RAPGEF4: variants seen among roughly 807,000 people sequenced by gnomAD.
RAPGEF4 encodes Rap guanine nucleotide exchange factor 4.
In RAPGEF4, 66 loss-of-function variants were observed where a neutral mutation model predicts 147.9. The ratio of observed to expected loss-of-function variants is 0.45; its 90% CI spans 0.37 to 0.55. The LOEUF (loss-of-function observed/expected upper bound fraction) is 0.55, where lower values mean the gene tolerates loss of function less well. Ranked by LOEUF, RAPGEF4 falls within the 20% of genes least tolerant of loss-of-function variation. The pLI is 0.00. For synonymous variants in RAPGEF4, 419 were observed against 442.7 expected (o/e 0.95, Z 0.67); for missense variants, 1,071 against 1,257.3 (o/e 0.85, Z 2.24).
At chr2:172,917,745 A>G (rs1684227480) in intron 4 of RAPGEF4, 57 bp from the exon 5 acceptor site, 1 of 1,452,100 alleles carries the variant, frequency 6.9e-7, no homozygotes, top group Non-Finnish European at 9.7e-7. Flanking sequence ...ATGTAAATAA[A>G]TGAATGCTCA....
chr2:172,901,297 T>A (rs1378165057), intron 4 of RAPGEF4, among the ~76,000 whole-genome samples: 3 of 152,236 alleles, frequency 2.0e-5, no homozygotes, highest in Non-Finnish European at 2.9e-5. Flanking sequence ...TTGATTAGTA[T>A]CCCTAGATTT....
intron 4 of RAPGEF4, among the ~76,000 whole-genome samples, chr2:172,859,222 G>A (rs998517038): frequency 3.3e-5 from 5 of 152,188 alleles, no homozygotes; most frequent in African/African-American, 1.2e-4. Flanking sequence ...TTGCTTAACA[G>A]TGGTTTAAGT....
intron 6 of RAPGEF4, among the ~76,000 whole-genome samples, chr2:172,942,900 T>C (rs996218716): frequency 1.2e-4 from 18 of 152,188 alleles, no homozygotes; most frequent in Non-Finnish European, 2.4e-4. Flanking sequence ...GTTTGCATGC[T>C]TACATCTCAC....
At chr2:172,895,164 A>G (rs1033758397) in intron 4 of RAPGEF4, among the ~76,000 whole-genome samples, 5 of 152,066 alleles carry the variant, frequency 3.3e-5, no homozygotes, top group African/African-American at 1.2e-4. Context: ...TTTGTTTTTA[A>G]TCTTTTAGAG....
chr2:172,910,128 G>C (rs1180956266), intron 4 of RAPGEF4, among the ~76,000 whole-genome samples: 6 of 152,226 alleles, frequency 3.9e-5, no homozygotes, highest in African/African-American at 1.4e-4. Context: ...GCTCAGCAAA[G>C]AGCGCTTCAG....
At chr2:172,766,366 A>G (rs1234707130) in intron 1 of RAPGEF4, among the ~76,000 whole-genome samples, 3 of 152,094 alleles carry the variant, frequency 2.0e-5, no homozygotes, top group African/African-American at 4.8e-5. Flanking sequence ...AGCCTAGCCA[A>G]TACAGCGAAA....
chr2:172,996,108 C>T (rs1280935863), intron 15 of RAPGEF4, among the ~76,000 whole-genome samples: 1 of 152,158 alleles, frequency 6.6e-6, no homozygotes, highest in African/African-American at 2.4e-5. Flanking sequence ...TCACCAGCTC[C>T]CCCTGCCTGA....
intron 1 of RAPGEF4, among the ~76,000 whole-genome samples, chr2:172,750,317 G>T (rs185898121): frequency 8.5e-5 from 13 of 152,136 alleles, no homozygotes; most frequent in African/African-American, 2.7e-4. Flanking sequence ...AATTCCACGT[G>T]GCTGGGGAGG....
chr2:172,842,554 A>T (rs567335505), intron 4 of RAPGEF4, among the ~76,000 whole-genome samples: 32 of 152,330 alleles, frequency 2.1e-4, no homozygotes, highest in African/African-American at 7.5e-4. Flanking sequence ...CATCACCCAA[A>T]GGATCGCTCC....
intron 5 of RAPGEF4, among the ~76,000 whole-genome samples, chr2:172,918,297 G>A (rs1413407572): frequency 7.2e-6 from 1 of 138,742 alleles, no homozygotes; most frequent in East Asian, 2.2e-4. Flanking sequence ...GAGAAGTGGG[G>A]TGAGTCATTT....
intron 4 of RAPGEF4, among the ~76,000 whole-genome samples, chr2:172,876,661 T>C (rs371765532): frequency 7.9e-5 from 12 of 152,338 alleles, no homozygotes; most frequent in East Asian, 5.8e-4. Flanking sequence ...CAGTATTTTA[T>C]TGAGGATTTT....
chr2:172,821,834 G>T, intron 4 of RAPGEF4: 1 of 1,443,268 alleles, frequency 6.9e-7, no homozygotes, highest in Non-Finnish European at 9.1e-7. Flanking sequence ...TCCTTTCTGT[G>T]GACTGAGAGC....
intron 4 of RAPGEF4, among the ~76,000 whole-genome samples, chr2:172,902,342 G>A (rs535745668): frequency 3.3e-5 from 5 of 151,512 alleles, no homozygotes; most frequent in Admixed American, 6.6e-5. Flanking sequence ...TCTCACTCTC[G>A]CCCAGGCTGG....
chr2:172,849,391 T>C (rs945408835), intron 4 of RAPGEF4, among the ~76,000 whole-genome samples: 1 of 152,248 alleles, frequency 6.6e-6, no homozygotes, highest in African/African-American at 2.4e-5. Context: ...CTCTGAATGA[T>C]GTGGCCAGAA....
chr2:172,824,926 G>A (rs1689500625), intron 4 of RAPGEF4, among the ~76,000 whole-genome samples: 1 of 152,162 alleles, frequency 6.6e-6, no homozygotes, highest in African/African-American at 2.4e-5. Flanking sequence ...AAATTCCCAG[G>A]AAAAGAATCA....
intron 5 of RAPGEF4, 87 bp downstream of exon 5, chr2:172,917,961 C>A: frequency 9.0e-7 from 1 of 1,105,106 alleles, no homozygotes; most frequent in Non-Finnish European, 1.4e-6. Context: ...CCTACACCAG[C>A]TTGTCAGAGT....
intron 1 of RAPGEF4, among the ~76,000 whole-genome samples, chr2:172,772,475 C>G (rs1398609392): frequency 6.6e-6 from 1 of 151,916 alleles, no homozygotes. Flanking sequence ...TCCCGAGTAC[C>G]TGGGATTACA....
At chr2:172,764,745 G>A (rs1027231513) in intron 1 of RAPGEF4, among the ~76,000 whole-genome samples, 4 of 152,146 alleles carry the variant, frequency 2.6e-5, no homozygotes, top group Admixed American at 6.5e-5. Context: ...AGTATCTAAG[G>A]TGCCTGCCTT....
At chr2:172,958,059 A>T (rs1485679806) in intron 6 of RAPGEF4, among the ~76,000 whole-genome samples, 2 of 152,366 alleles carry the variant, frequency 1.3e-5, no homozygotes, top group East Asian at 3.9e-4. Context: ...CTACCAAAGA[A>T]TAAACACTTA....
Sources: allele counts gnomAD v4.1 joint callset (sites outside exome capture counted in the v4.1 genomes callset), GRCh38; gene constraint gnomAD v4.1.1; transcripts MANE v1.5; gene names NCBI Gene and HGNC (gene_info 2026-07-23, HGNC 2026-07-21).